Variants in PGCKA1 observed in about 807,000 individuals in gnomAD.
PGCKA1 encodes PDCD10 and GCKIII kinases-associated protein 1.
the PGCKA1 span, among the ~76,000 whole-genome samples, chr4:37,492,087 G>A: frequency 6.6e-6 from 1 of 151,314 alleles, no homozygotes; most frequent in Admixed American, 6.6e-5. This position sits in a 1 kb window ranked among gnomAD's most constrained non-coding sequence, Gnocchi z 4.7. Context: ...TTTCTACCAG[G>A]CTGGAGTGCA....
chr4:37,592,986 C>G, the PGCKA1 span, among the ~76,000 whole-genome samples: 1 of 152,024 alleles, frequency 6.6e-6, no homozygotes, highest in Non-Finnish European at 1.5e-5. Flanking sequence ...CCTTTAAGGA[C>G]GGCACCCTTA....
At chr4:37,530,802 C>A in the PGCKA1 span, among the ~76,000 whole-genome samples, 2 of 151,760 alleles carry the variant, frequency 1.3e-5, no homozygotes, top group Non-Finnish European at 2.9e-5. Context: ...CGTGATGAAG[C>A]CCCCCGTCTC....
the PGCKA1 span, among the ~76,000 whole-genome samples, chr4:37,526,459 G>A: frequency 5.3e-5 from 8 of 152,108 alleles, no homozygotes; most frequent in African/African-American, 1.9e-4. Flanking sequence ...TGATGGAAAT[G>A]GTATATTTTG....
At chr4:37,579,615 A>G in the PGCKA1 span, among the ~76,000 whole-genome samples, 5 of 152,240 alleles carry the variant, frequency 3.3e-5, no homozygotes, top group African/African-American at 1.2e-4. Flanking sequence ...CCTGGACTGT[A>G]AGATTTCCAC....
At chr4:37,481,464 C>CAAAAAAAAAA in the PGCKA1 span, among the ~76,000 whole-genome samples, 296 of 61,206 alleles carry the variant, frequency 4.8e-3, 11 homozygotes, top group East Asian at 7.3e-3. Context: ...GACCTGTCTC[C>CAAAAAAAAAA]AAAAAAAAAA....
the PGCKA1 span, among the ~76,000 whole-genome samples, chr4:37,466,746 T>G: frequency 6.6e-6 from 1 of 152,138 alleles, no homozygotes; most frequent in Non-Finnish European, 1.5e-5. Flanking sequence ...AGGACTTGGG[T>G]ATACAAGTTT....
the PGCKA1 span, among the ~76,000 whole-genome samples, chr4:37,568,707 C>T: frequency 2.0e-5 from 3 of 152,198 alleles, no homozygotes; most frequent in East Asian, 3.9e-4. Flanking sequence ...ACGTGCAGCA[C>T]GGAAGTACTG....
chr4:37,522,635 A>G, the PGCKA1 span, among the ~76,000 whole-genome samples: 1 of 142,654 alleles, frequency 7.0e-6, no homozygotes, highest in Non-Finnish European at 1.5e-5. Context: ...CCCTCAACAT[A>G]GTATCTGGGT....
At chr4:37,545,574 A>G in the PGCKA1 span, among the ~76,000 whole-genome samples, 4,535 of 152,280 alleles carry the variant, frequency 0.03, 242 homozygotes, top group African/African-American at 0.1. Flanking sequence ...TGTTTTCCAG[A>G]GTGCTGATTT....
the PGCKA1 span, among the ~76,000 whole-genome samples, chr4:37,583,275 T>C: frequency 1.1e-4 from 16 of 152,302 alleles, 1 homozygote; most frequent in East Asian, 3.1e-3. Flanking sequence ...GACTTCCTAA[T>C]GAATACTCAG....
the PGCKA1 span, among the ~76,000 whole-genome samples, chr4:37,473,014 A>G: frequency 6.6e-6 from 1 of 152,222 alleles, no homozygotes; most frequent in South Asian, 2.1e-4. Context: ...TGAGAATTAG[A>G]TAACAAGTAA....
chr4:37,508,187 G>A, the PGCKA1 span, among the ~76,000 whole-genome samples: 2 of 152,018 alleles, frequency 1.3e-5, no homozygotes, highest in Admixed American at 6.6e-5. Context: ...ATGCCTTGAG[G>A]TAGTATTCTT....
At chr4:37,521,918 A>T in the PGCKA1 span, among the ~76,000 whole-genome samples, 1 of 151,982 alleles carries the variant, frequency 6.6e-6, no homozygotes, top group Admixed American at 6.6e-5. Context: ...TATCAAATTG[A>T]CCCCTTTATC....
chr4:37,567,411 T>C, the PGCKA1 span, among the ~76,000 whole-genome samples: 7 of 152,218 alleles, frequency 4.6e-5, no homozygotes, highest in Non-Finnish European at 7.3e-5. Flanking sequence ...TATCTTAGTG[T>C]TCAAAACAAT....
At chr4:37,573,121 A>G in the PGCKA1 span, among the ~76,000 whole-genome samples, 2 of 152,192 alleles carry the variant, frequency 1.3e-5, no homozygotes, top group Non-Finnish European at 2.9e-5. Context: ...CTCTGCTTTC[A>G]CTTAAGCATG....
chr4:37,535,835 C>A, the PGCKA1 span, among the ~76,000 whole-genome samples: 2 of 152,134 alleles, frequency 1.3e-5, no homozygotes, highest in African/African-American at 2.4e-5. Context: ...GTTTCCTGGG[C>A]CTTTGGGCCC....
chr4:37,549,869 C>A, the PGCKA1 span, among the ~76,000 whole-genome samples: 1 of 152,254 alleles, frequency 6.6e-6, no homozygotes, highest in East Asian at 1.9e-4. Flanking sequence ...CAGTCACACC[C>A]AGAAGCTGAC....
the PGCKA1 span, among the ~76,000 whole-genome samples, chr4:37,496,247 T>C: frequency 6.6e-6 from 1 of 152,238 alleles, no homozygotes; most frequent in Non-Finnish European, 1.5e-5. Flanking sequence ...TTTTATAGTT[T>C]TGAGTTTTAC....
chr4:37,581,364 G>A, the PGCKA1 span, among the ~76,000 whole-genome samples: 14 of 151,908 alleles, frequency 9.2e-5, 1 homozygote, highest in Non-Finnish European at 2.9e-5. The surrounding 1 kb of genome is among the most constrained non-coding windows in gnomAD (Gnocchi z 4.4). Context: ...CCTGAAACCA[G>A]CACATCTCAG....
Sources: gnomAD v4.1 joint callset for allele counts (sites outside exome capture counted in the v4.1 genomes callset) on GRCh38, gnomAD v4.1.1 for gene constraint, Gnocchi (gnomAD v3.1) non-coding constraint, MANE v1.5 for transcripts, NCBI Gene and HGNC (gene_info 2026-07-23, HGNC 2026-07-21) for gene names.